Variants in ARHGAP19 observed in about 807,000 individuals in gnomAD.
ARHGAP19 encodes the protein rho GTPase-activating protein 19.
ARHGAP19 carries 48 observed loss-of-function variants against 60.9 expected under a neutral mutation model. The observed-to-expected ratio is 0.79, with a 90% CI of 0.62 to 1.00. The LOEUF (loss-of-function observed/expected upper bound fraction) is 1.00. Among genes scored for constraint, ARHGAP19 ranks in the 50% least tolerant of loss-of-function variants. The pLI, the probability that ARHGAP19 is intolerant of heterozygous loss-of-function variation, is 0.00. For synonymous variants in ARHGAP19, 209 were observed against 215.5 expected, an observed-to-expected ratio of 0.97 and a Z score of 0.27; for missense variants, 562 against 597.2, an observed-to-expected ratio of 0.94 and a Z score of 0.61.
chr10:97,248,964 G>C (rs1009903077), intron 6 of ARHGAP19, among the ~76,000 whole-genome samples: 2 of 152,064 alleles, frequency 1.3e-5, no homozygotes, highest in Non-Finnish European at 2.9e-5. Flanking sequence ...CCACAGGAGT[G>C]TGCCATCACG....
intron 4 of ARHGAP19, among the ~76,000 whole-genome samples, chr10:97,260,029 G>T (rs895212585): frequency 6.6e-6 from 1 of 151,102 alleles, no homozygotes. Context: ...TAGAGGCGGG[G>T]TTTCACCGTG....
At chr10:97,233,239 A>G (rs953098723) in intron 9 of ARHGAP19, among the ~76,000 whole-genome samples, 2 of 152,108 alleles carry the variant, frequency 1.3e-5, no homozygotes, top group African/African-American at 4.8e-5. Context: ...GGTCCCAGCT[A>G]CTTGGGAGGC....
At chr10:97,270,505 A>C (rs1387224366) in intron 1 of ARHGAP19, 3 of 873,188 alleles carry the variant, frequency 3.4e-6, no homozygotes, top group Non-Finnish European at 5.2e-6. Flanking sequence ...ATAGGACTAA[A>C]GAAAAAACTA....
At position 97,264,891 on chromosome 10, in the gene ARHGAP19, A is replaced by G; in HGVS notation, c.338T>C (p.Phe113Ser). 2 of 1,613,304 alleles carry G rather than the reference A, an allele frequency of 1.2e-6. No individual in the cohort carries two copies. The highest frequency in any genetic ancestry group is 2.2e-5 in the South Asian group (2 of 91,046). The change falls in exon 3 of 12, where the codon TTT becomes TCT. Residue 113 changes from phenylalanine to serine, a missense_variant. Coordinates refer to ENST00000358531, the MANE Select transcript of ARHGAP19 (RefSeq NM_032900.6). ...GCCTTCCTCCGTCAGTGGGGACCCA[A>G]ATATCACTCCTTTTTCTGAAAAACC... Reference protein sequence around the residue: ...SLKRKEKGVIFGSPLTEEGIA... With the variant: ...SLKRKEKGVISGSPLTEEGIA...
At chr10:97,264,943 C>T in intron 2 of ARHGAP19, 37 bp from the exon 3 acceptor site, 3 of 1,473,018 alleles carry the variant, frequency 2.0e-6, no homozygotes, top group Admixed American at 1.7e-5. Context: ...CTATATTTCA[C>T]ACAAATAGTA....
chr10:97,281,030 G>A (rs1225670558), intron 1 of ARHGAP19, among the ~76,000 whole-genome samples: 1 of 152,056 alleles, frequency 6.6e-6, no homozygotes, highest in East Asian at 1.9e-4. Context: ...GACAGCTAAT[G>A]GTTTTTGTTC....
intron 6 of ARHGAP19, among the ~76,000 whole-genome samples, chr10:97,253,943 A>G (rs1842722564): frequency 6.6e-6 from 1 of 152,168 alleles, no homozygotes; most frequent in Admixed American, 6.5e-5. Flanking sequence ...GGGCTTTGGA[A>G]CATATCTCCC....
chr10:97,269,953 A>T (rs1273497820), intron 1 of ARHGAP19, among the ~76,000 whole-genome samples: 1 of 152,218 alleles, frequency 6.6e-6, no homozygotes, highest in African/African-American at 2.4e-5. Flanking sequence ...CATAAGTGAG[A>T]AAGAAACTAG....
intron 1 of ARHGAP19, among the ~76,000 whole-genome samples, chr10:97,289,579 T>TAA (rs1843202513): frequency 6.6e-6 from 1 of 152,104 alleles, no homozygotes; most frequent in Admixed American, 6.6e-5. Flanking sequence ...CTGACACCTA[T>TAA]AATCCCAGCA....
intron 9 of ARHGAP19, among the ~76,000 whole-genome samples, chr10:97,234,979 G>A (rs561053501): frequency 3.3e-5 from 5 of 152,240 alleles, no homozygotes; most frequent in Non-Finnish European, 7.4e-5. Flanking sequence ...CTTAGCCCCA[G>A]AAGAAAAGGA....
At chr10:97,244,193 T>C (rs1160224524) in intron 7 of ARHGAP19, 34 bp from the exon 8 acceptor site, 2 of 1,531,846 alleles carry the variant, frequency 1.3e-6, no homozygotes, top group African/African-American at 2.8e-5. Flanking sequence ...TAAATTAATA[T>C]ATCCTGCCAA....
Position 97,226,067 on chromosome 10 carries a change from C to A in ARHGAP19, c.*55G>T. The stretch of plus-strand genomic sequence containing the variant: ...AGCTTTGCTGTGGGCAGGAATAACA[C>A]CTGCCCACTAAACAGAAAATTCTGC... On this transcript the variant is annotated 3_prime_UTR_variant, in exon 12 of 12. Coordinates refer to ENST00000358531, the MANE Select transcript of ARHGAP19 (RefSeq NM_032900.6). 6.3e-7 allele frequency: 1 copy of A among 1,596,894 alleles called. No homozygotes were observed. The highest frequency in any genetic ancestry group is 1.7e-5 in the Admixed American group (1 of 59,122).
chr10:97,229,280 C>G (rs1361228304), intron 10 of ARHGAP19, 55 bp from the exon 11 acceptor site: 11 of 1,339,722 alleles, frequency 8.2e-6, no homozygotes, highest in Non-Finnish European at 1.2e-5. Flanking sequence ...TTCCTATAGA[C>G]AGACTTTACT....
intron 10 of ARHGAP19, 65 bp downstream of exon 10, chr10:97,229,699 A>T: frequency 8.2e-7 from 1 of 1,215,382 alleles, no homozygotes; most frequent in Non-Finnish European, 1.2e-6. Context: ...ATGACAGTAT[A>T]TCAATTTTCC....
intron 7 of ARHGAP19, among the ~76,000 whole-genome samples, chr10:97,245,317 A>C (rs2086943387): frequency 6.6e-6 from 1 of 151,982 alleles, no homozygotes; most frequent in African/African-American, 2.4e-5. Flanking sequence ...ATAACTTCTT[A>C]CTTTTAAAAC....
In ARHGAP19 at chr10:97,259,634, G is replaced by C. The variant is rs1302238238; in HGVS notation, c.614-6C>G. On this transcript the variant is annotated splice_region_variant and splice_polypyrimidine_tract_variant and intron_variant, in intron 4 of 11. Coordinates refer to ENST00000358531, the MANE Select transcript of ARHGAP19 (RefSeq NM_032900.6). ...ATCATCAAACTGCATCAAATCTTGA[G>C]GACAAAAGAGAATTTGCAAAGTGGG... 6.2e-7 allele frequency: 1 copy of C among 1,611,174 alleles called. No homozygotes were observed. Among genetic ancestry groups the C allele is most frequent in the Non-Finnish European group, 8.5e-7 (1 of 1,177,684 alleles).
At chr10:97,228,292 T>A (rs949075807) in intron 11 of ARHGAP19, among the ~76,000 whole-genome samples, 1 of 152,240 alleles carries the variant, frequency 6.6e-6, no homozygotes, top group Non-Finnish European at 1.5e-5. Flanking sequence ...CAAACCAGAC[T>A]CACTTCAGCT....
chr10:97,246,714 C>T (rs1842568639), intron 6 of ARHGAP19, among the ~76,000 whole-genome samples: 1 of 152,166 alleles, frequency 6.6e-6, no homozygotes, highest in Non-Finnish European at 1.5e-5. Context: ...ATTTTAAAAT[C>T]ACAGTGTAGA....
chr10:97,292,459 G>T, intron 1 of ARHGAP19, 113 bp downstream of exon 1: 2 of 1,372,328 alleles, frequency 1.5e-6, no homozygotes, highest in Non-Finnish European at 2.0e-6. Flanking sequence ...GAGAAACGCC[G>T]TGGGAGAAAG....
Sources: gnomAD v4.1 joint callset for allele counts (sites outside exome capture counted in the v4.1 genomes callset) on GRCh38, gnomAD v4.1.1 for gene constraint, MANE v1.5 for transcripts, NCBI Gene and HGNC (gene_info 2026-07-23, HGNC 2026-07-21) for gene names.